Variants in ZNF256 observed in about 807,000 individuals in gnomAD.
The protein encoded by ZNF256 is bone marrow zinc finger 3.
In ZNF256, 4 loss-of-function variants were observed where a neutral mutation model predicts 7.9. The ratio of observed to expected loss-of-function variants is 0.50; its 90% confidence interval spans 0.25 to 1.15. The LOEUF (loss-of-function observed/expected upper bound fraction) is 1.15, where lower values mean the gene tolerates loss of function less well. Ranked by LOEUF, ZNF256 falls within the 50% of genes most tolerant of loss-of-function variation. ZNF256 has a pLI of 0.15. For synonymous variants in ZNF256, 260 were observed against 260.4 expected (o/e 1.00, Z 0.02); for missense variants, 666 against 755.9 (o/e 0.88, Z 1.39).
chr19:57,942,366 T>C lies in ZNF256; in HGVS notation c.442A>G (p.Ser148Gly). ...KQHVGQKHFRSNGGRDMFLSS... is the reference protein window; with the variant it reads ...KQHVGQKHFRGNGGRDMFLSS... ...AAAAACATGTCTCTGCCCCCATTGC[T>C]TCTGAAGTGTTTCTGTCCAACATGC... The change falls in exon 3 of 3, where the codon AGC becomes GGC. Residue 148 changes from serine (S) to glycine (G), a missense_variant. Coordinates refer to ENST00000282308, the MANE Select transcript of ZNF256 (RefSeq NM_005773.3). The C allele has an allele frequency of 6.2e-7, 1 of 1,614,218 alleles. No homozygotes were observed. Among genetic ancestry groups the C allele is most frequent in the Non-Finnish European group, 8.5e-7 (1 of 1,180,038 alleles).
intron 1 of ZNF256, among the ~76,000 whole-genome samples, chr19:57,945,862 G>A (rs1232244023): frequency 6.6e-6 from 1 of 152,080 alleles, no homozygotes; most frequent in Non-Finnish European, 1.5e-5. Context: ...TTAAATCCCA[G>A]CCTCACTGGT....
Position 57,947,562 on chromosome 19 carries a change from C to T in ZNF256, c.-88G>A, listed in dbSNP as rs1183832088. The T allele has an allele frequency of 1.7e-6, 2 of 1,197,250 alleles. No homozygotes were observed. Among genetic ancestry groups the T allele is most frequent in the Non-Finnish European group, 2.1e-6 (2 of 941,240 alleles). The allele number at this position is 1,197,250 out of a possible 1,614,324, so 74.2% of individuals were successfully genotyped here. On this transcript the variant is annotated 5_prime_UTR_variant, in exon 1 of 3. In the 5' UTR this introduces an upstream ATG that the reference lacks. Transcript: ENST00000282308. Reference sequence around the variant, plus strand: ...CCTGGGCGCCGCCGAGCCTCAGCCACGCCTCTGTGCAGCGGGGAAGACTCC... The same window carrying T: ...CCTGGGCGCCGCCGAGCCTCAGCCATGCCTCTGTGCAGCGGGGAAGACTCC...
At chr19:57,947,304 A>C in intron 1 of ZNF256, 138 bp downstream of exon 1, 1 of 875,874 alleles carries the variant, frequency 1.1e-6, no homozygotes, top group Non-Finnish European at 1.5e-6. Flanking sequence ...TCCCTAGCAC[A>C]CCAGGTGTTG....
At chr19:57,946,045 C>A (rs1473489068) in intron 1 of ZNF256, among the ~76,000 whole-genome samples, 1 of 152,222 alleles carries the variant, frequency 6.6e-6, no homozygotes, top group African/African-American at 2.4e-5. Flanking sequence ...GCATCCATCT[C>A]ATGTCCATTC....
In ZNF256 at chr19:57,943,867, C is replaced by A; in HGVS notation, c.160+67G>T. On this transcript the variant is annotated intron_variant, in intron 2 of 2. Coordinates refer to ENST00000282308, the MANE Select transcript of ZNF256 (RefSeq NM_005773.3). ...CAATAGTCCTCTTGTGAAGACACAT[C>A]TGACTCTGGGGAAAGGGTAAGAGCA... is the stretch of plus-strand genomic sequence containing the variant. 1.9e-6 allele frequency: 3 copies of A among 1,578,934 alleles called. No individual in the cohort carries two copies. In the Admixed American group the frequency reaches 5.5e-5, roughly 29 times the overall value.
chr19:57,947,439 T>C lies in ZNF256; in HGVS notation c.33+3A>G. 8.0e-7 allele frequency: 1 copy of C among 1,249,270 alleles called. No individual in the cohort carries two copies. The highest frequency in any genetic ancestry group is 1.0e-6 in the Non-Finnish European group (1 of 988,782). The allele number at this position is 1,249,270 out of a possible 1,614,324, so 77.4% of individuals were successfully genotyped here. Reference sequence around the variant, plus strand: ...GGGAAGGCCCAGAGGACGCGGCACATACCTGGGCCGGGGCCGTCAGCTCGG... The same window carrying C: ...GGGAAGGCCCAGAGGACGCGGCACACACCTGGGCCGGGGCCGTCAGCTCGG... On this transcript the variant is annotated splice_donor_region_variant and intron_variant, in intron 1 of 2. Transcript: ENST00000282308.
Position 57,947,658 on chromosome 19 carries a change from T to C in ZNF256, c.-184A>G, listed in dbSNP as rs1039848242. On this transcript the variant is annotated 5_prime_UTR_variant, in exon 1 of 3. Coordinates refer to ENST00000282308, the MANE Select transcript of ZNF256 (RefSeq NM_005773.3). Reference sequence around the variant, plus strand: ...CCGGGGCTTTCTACCAAGTAATCAGTCCAGACAAATGCCAAAACGACCGCC... The same window carrying C: ...CCGGGGCTTTCTACCAAGTAATCAGCCCAGACAAATGCCAAAACGACCGCC... 1 of 501,250 alleles carries C rather than the reference T, an allele frequency of 2.0e-6. No homozygotes were observed. The allele number at this position is 501,250 out of a possible 1,614,324, so 31.1% of individuals were successfully genotyped here. A position where few individuals can be genotyped will look rare whatever the true frequency, so the allele number is the denominator to read the frequency against.
chr19:57,945,680 T>C lies in ZNF256; in HGVS notation c.34-1620A>G, dbSNP rs1047792687. On this transcript the variant is annotated intron_variant, in intron 1 of 2. Coordinates refer to ENST00000282308, the MANE Select transcript of ZNF256 (RefSeq NM_005773.3). ...ATCCCAGACTTCCCACAGCTTACAC[T>C]AGTGGAAGCAGCCTCAAAAATTTCT... Among the ~76,000 whole-genome samples the C allele has an allele frequency of 5.9e-5, 9 of 152,194 alleles. No individual in the cohort carries two copies. In the East Asian group the frequency reaches 1.2e-3, roughly 20 times the overall value.
At position 57,941,526 on chromosome 19, in the gene ZNF256, C is replaced by T. The variant is rs755877702; in HGVS notation, c.1282G>A (p.Val428Ile). The T allele has an allele frequency of 6.2e-7, 1 of 1,613,966 alleles. No individual in the cohort carries two copies. Among genetic ancestry groups the T allele is most frequent in the South Asian group, 1.1e-5 (1 of 91,078 alleles). ...TCATGAGATCTTACTCCAGTATGAA[C>T]TCTCTGGTGTTGGAAGAAACGAGAT... Reference protein sequence around the residue: ...YRSRFFQHQRVHTGVRSHECH... With the variant: ...YRSRFFQHQRIHTGVRSHECH... Residue 428 changes from valine (V) to isoleucine (I), a missense_variant, in exon 3 of 3, where the codon GTT becomes ATT. Val to Ile is a conservative substitution (Grantham distance 29). Coordinates refer to ENST00000282308, the MANE Select transcript of ZNF256 (RefSeq NM_005773.3).
At chr19:57,945,606 C>T (rs780843745) in intron 1 of ZNF256, among the ~76,000 whole-genome samples, 6 of 152,096 alleles carry the variant, frequency 3.9e-5, no homozygotes, top group Non-Finnish European at 5.9e-5. Context: ...GGCCTTATAC[C>T]GCAACTTGGC....
chr19:57,943,815 C>A (rs2072746498), intron 2 of ZNF256, 119 bp downstream of exon 2: 1 of 1,370,006 alleles, frequency 7.3e-7, no homozygotes, highest in East Asian at 2.4e-5. Context: ...CCAACCGCAG[C>A]ACCTGCCCAG....
chr19:57,942,404 T>A lies in ZNF256; in HGVS notation c.404A>T (p.Gln135Leu). Residue 135 changes from glutamine to leucine, a missense_variant, in exon 3 of 3, where the codon CAG (glutamine) becomes CTG (leucine). Physicochemically the swap from Gln to Leu is moderately radical, Grantham distance 113. Coordinates refer to ENST00000282308, the MANE Select transcript of ZNF256 (RefSeq NM_005773.3). The stretch of plus-strand genomic sequence containing the variant: ...CTGTCCAACATGCTGCTTCTGGTGC[T>A]GATGAAGGTATGCAGTAAATTGTAA... ...KQLQFTAYLH[Q>L]HQKQHVGQKH... 6.2e-7 allele frequency: 1 copy of A among 1,614,252 alleles called. No individual in the cohort carries two copies. Among genetic ancestry groups the A allele is most frequent in the Non-Finnish European group, 8.5e-7 (1 of 1,180,054 alleles).
Position 57,942,539 on chromosome 19 carries a change from T to C in ZNF256, c.269A>G (p.Asn90Ser), listed in dbSNP as rs1288339640. 3.7e-6 allele frequency: 6 copies of C among 1,613,974 alleles called. No individual in the cohort carries two copies. Among genetic ancestry groups the C allele is most frequent in the Admixed American group, 3.3e-5 (2 of 59,986 alleles). Reference sequence around the variant, plus strand: ...GACTGGGCCACATATCTCACAGGGGTTGGTCTTCTGGGGAGAAGGAAGGGC... The same window carrying C: ...GACTGGGCCACATATCTCACAGGGGCTGGTCTTCTGGGGAGAAGGAAGGGC... ...PKALPSPQKT[N>S]PCEICGPVLR... The change falls in exon 3 of 3, where the codon AAC becomes AGC. Residue 90 changes from asparagine to serine, a missense_variant. Transcript: ENST00000282308.
intron 1 of ZNF256, 79 bp from the exon 2 acceptor site, chr19:57,944,139 C>T: frequency 2.5e-6 from 4 of 1,585,688 alleles, no homozygotes; most frequent in Admixed American, 3.6e-5. Context: ...CACATTTACC[C>T]CATGCTCATC....
intron 1 of ZNF256, among the ~76,000 whole-genome samples, chr19:57,946,456 G>A (rs189366134): frequency 3.3e-5 from 5 of 152,146 alleles, no homozygotes; most frequent in Non-Finnish European, 1.5e-5. Flanking sequence ...CAAAAACCCT[G>A]GAGTCTTCTC....
chr19:57,944,532 T>C (rs2072753417), intron 1 of ZNF256, among the ~76,000 whole-genome samples: 1 of 151,612 alleles, frequency 6.6e-6, no homozygotes, highest in African/African-American at 2.4e-5. Context: ...AGTGAAAGAG[T>C]AGATAACCTG....
intron 1 of ZNF256, among the ~76,000 whole-genome samples, chr19:57,944,580 T>C (rs936003302): frequency 6.6e-6 from 1 of 152,130 alleles, no homozygotes; most frequent in Non-Finnish European, 1.5e-5. Flanking sequence ...ATCCCAGCAC[T>C]TTGGGAGGCC....
intron 1 of ZNF256, among the ~76,000 whole-genome samples, chr19:57,945,375 T>A (rs2072759840): frequency 6.6e-6 from 1 of 152,178 alleles, no homozygotes; most frequent in Non-Finnish European, 1.5e-5. Flanking sequence ...CTGGCTTGTT[T>A]GAATAACTCA....
At position 57,947,494 on chromosome 19, in the gene ZNF256, G is replaced by T. The variant is rs1236424432; in HGVS notation, c.-20C>A. On this transcript the variant is annotated 5_prime_UTR_variant, in exon 1 of 3. Coordinates refer to ENST00000282308, the MANE Select transcript of ZNF256 (RefSeq NM_005773.3). ...CGCCATCTGACTCTGTGAGCGGAGCGGGGCCAGAGAGGATGTCCTTATTCC... is the reference window on the plus strand; with the variant it reads ...CGCCATCTGACTCTGTGAGCGGAGCTGGGCCAGAGAGGATGTCCTTATTCC... 1.6e-6 allele frequency: 2 copies of T among 1,248,998 alleles called. No individual in the cohort carries two copies. Among genetic ancestry groups the T allele is most frequent in the African/African-American group, 3.1e-5 (2 of 64,512 alleles). The allele number at this position is 1,248,998 out of a possible 1,614,324, so 77.4% of individuals were successfully genotyped here. A position where few individuals can be genotyped will look rare whatever the true frequency, so the allele number is the denominator to read the frequency against.
Sources: gnomAD v4.1 joint callset for allele counts (sites outside exome capture counted in the v4.1 genomes callset) on GRCh38, gnomAD v4.1.1 for gene constraint, MANE v1.5 for transcripts, NCBI Gene and HGNC (gene_info 2026-07-23, HGNC 2026-07-21) for gene names.